Variants in STIM2 observed in about 807,000 individuals in gnomAD.
The protein encoded by STIM2 is stromal interaction molecule 2.
In STIM2, 31 loss-of-function variants were observed where a neutral mutation model predicts 85.8. The ratio of observed to expected loss-of-function variants is 0.36; its 90% CI spans 0.27 to 0.49. The LOEUF is 0.49. STIM2 is among the 20% of genes least tolerant of loss of function. The pLI is 0.98. For missense variants in STIM2, 841 were observed against 927.6 expected, an observed-to-expected ratio of 0.91 and a Z score of 1.21; for synonymous variants, 356 against 331.1, an observed-to-expected ratio of 1.08 and a Z score of -0.82.
chr4:26,914,278 A>G (rs910816476), intron 1 of STIM2, among the ~76,000 whole-genome samples: 4 of 152,312 alleles, frequency 2.6e-5, no homozygotes, highest in South Asian at 2.1e-4. Flanking sequence ...ATATAAGTAT[A>G]TTTTATGCAA....
chr4:26,892,230 A>C (rs560366714), intron 1 of STIM2, among the ~76,000 whole-genome samples: 1 of 152,180 alleles, frequency 6.6e-6, no homozygotes, highest in Admixed American at 6.5e-5. Flanking sequence ...AGGCTTTAAG[A>C]AATTACCAAA....
intron 10 of STIM2, among the ~76,000 whole-genome samples, chr4:27,015,249 A>T (rs758271168): frequency 3.1e-4 from 47 of 151,982 alleles, no homozygotes; most frequent in Non-Finnish European, 6.0e-4. Flanking sequence ...TGAACAATTC[A>T]GGATCTTCAG....
At chr4:26,880,555 T>G (rs1722965165) in intron 1 of STIM2, among the ~76,000 whole-genome samples, 1 of 149,110 alleles carries the variant, frequency 6.7e-6, no homozygotes, top group East Asian at 1.9e-4. Context: ...TACATAAAAC[T>G]TTTTGGATGA....
chr4:26,921,101 A>T (rs896866762), intron 2 of STIM2, among the ~76,000 whole-genome samples: 17 of 152,202 alleles, frequency 1.1e-4, no homozygotes, highest in African/African-American at 4.1e-4. Context: ...GTGTTCTGCT[A>T]AGAGAGGAGA....
chr4:27,000,081 C>T (rs1208276997), intron 5 of STIM2, among the ~76,000 whole-genome samples: 2 of 149,918 alleles, frequency 1.3e-5, no homozygotes, highest in Non-Finnish European at 1.5e-5. Flanking sequence ...AAAAGTATAA[C>T]AAAATTAATA....
chr4:27,006,859 C>T (rs1315085255), intron 7 of STIM2, among the ~76,000 whole-genome samples: 1 of 152,158 alleles, frequency 6.6e-6, no homozygotes, highest in Non-Finnish European at 1.5e-5. Context: ...CAGATGTTCA[C>T]TTAGCTAGTT....
chr4:26,870,214 C>T (rs1277016329), intron 1 of STIM2, among the ~76,000 whole-genome samples: 1 of 148,878 alleles, frequency 6.7e-6, no homozygotes, highest in Non-Finnish European at 1.5e-5. Context: ...ATCTAATGTA[C>T]AACAGTGTGA....
In STIM2 at chr4:27,003,032, G is replaced by A; in HGVS notation, c.909G>A (p.Arg303=). Residue 303 remains arginine (R), a synonymous_variant, in exon 7 of 12, where the codon CGG becomes CGA. Transcript: ENST00000467087. ...ATTATGCAAAGGAGGAGGCTTGTCG[G>A]CTGAGAGAGCTAAGGGAGGGAGCTG... 6.2e-7 allele frequency: 1 copy of A among 1,604,702 alleles called. No homozygotes were observed. The highest frequency in any genetic ancestry group is 1.1e-5 in the South Asian group (1 of 89,192).
rs150654373 is a variant in STIM2, at chr4:26,921,546, T to G, written c.282+1912T>G. On this transcript the variant is annotated intron_variant, in intron 2 of 11. Coordinates refer to ENST00000467087, the MANE Select transcript of STIM2 (RefSeq NM_020860.4). ...GGCATGGCTGTTTTCCAATAAAACT[T>G]TATTTGCAAAAACAAGCAGCCAGCC... is the stretch of plus-strand genomic sequence containing the variant. Among the ~76,000 whole-genome samples, 737 of 152,334 alleles carry G rather than the reference T, an allele frequency of 4.8e-3. 5 individuals are homozygous for G. Among genetic ancestry groups the G allele is most frequent in the Middle Eastern group, 0.027 (8 of 294 alleles).
intron 2 of STIM2, among the ~76,000 whole-genome samples, chr4:26,920,413 C>T (rs565447570): frequency 9.9e-5 from 15 of 152,236 alleles, no homozygotes; most frequent in African/African-American, 2.2e-4. Context: ...TTTACCCTAC[C>T]GGTCTGGTTT....
At chr4:26,982,992 G>GGGCCTGCCT (rs1727454904) in intron 3 of STIM2, among the ~76,000 whole-genome samples, 1 of 152,108 alleles carries the variant, frequency 6.6e-6, no homozygotes. Flanking sequence ...CCTCTTTCAG[G>GGGCCTGCCT]GGCCTGCCTT....
intron 3 of STIM2, among the ~76,000 whole-genome samples, chr4:26,980,975 T>C (rs1399623747): frequency 6.6e-6 from 1 of 152,210 alleles, no homozygotes; most frequent in Non-Finnish European, 1.5e-5. Flanking sequence ...ATGTTTGAAC[T>C]AAATGAATAT....
intron 6 of STIM2, 132 bp from the exon 7 acceptor site, chr4:27,002,795 A>G: frequency 1.1e-6 from 1 of 876,268 alleles, no homozygotes; most frequent in Non-Finnish European, 1.6e-6. Context: ...ACCAAACTTA[A>G]GGCTAATGAA....
intron 3 of STIM2, among the ~76,000 whole-genome samples, chr4:26,967,306 A>G (rs1726760496): frequency 6.6e-6 from 1 of 152,248 alleles, no homozygotes; most frequent in Non-Finnish European, 1.5e-5. Flanking sequence ...AATTGAAGTC[A>G]TATAAATTCA....
intron 3 of STIM2, among the ~76,000 whole-genome samples, chr4:26,981,774 A>T (rs996376522): frequency 3.9e-5 from 6 of 152,206 alleles, no homozygotes; most frequent in African/African-American, 1.4e-4. Flanking sequence ...ATATTTTTAC[A>T]TTGTTAGACC....
chr4:26,959,428 T>C (rs970292504), intron 3 of STIM2, among the ~76,000 whole-genome samples: 1 of 152,006 alleles, frequency 6.6e-6, no homozygotes, highest in Non-Finnish European at 1.5e-5. Context: ...TTTTACTCAT[T>C]TTTTTTTCTG....
chr4:26,861,246 G>C lies in STIM2; in HGVS notation c.28G>C (p.Gly10Arg). 2 of 1,487,368 alleles carry C rather than the reference G, an allele frequency of 1.3e-6. No individual in the cohort carries two copies. The highest frequency in any genetic ancestry group is 1.8e-6 in the Non-Finnish European group (2 of 1,125,576). 92.1% of individuals were successfully genotyped at this position (1,487,368 alleles called of 1,614,324 possible). Residue 10 changes from glycine to arginine, a missense_variant, in exon 1 of 12, where the codon GGA becomes CGA. Transcript: ENST00000467087. ...GCTGGTGCTCGGGCTGCTGGTAGCC[G>C]GAGCGGCGGACGGATGCGAGCTTGT...
chr4:27,006,693 C>T (rs1285811670), intron 7 of STIM2, among the ~76,000 whole-genome samples: 3 of 152,152 alleles, frequency 2.0e-5, no homozygotes, highest in Non-Finnish European at 2.9e-5. Flanking sequence ...AACCACCAAG[C>T]ATTTTTGTTT....
At chr4:26,931,498 A>G (rs1445346644) in intron 2 of STIM2, among the ~76,000 whole-genome samples, 2 of 152,240 alleles carry the variant, frequency 1.3e-5, no homozygotes, top group Admixed American at 6.5e-5. Context: ...TGTTTTGGAA[A>G]TGTCCCACAA....
Sources: gnomAD v4.1 joint callset for allele counts (sites outside exome capture counted in the v4.1 genomes callset) on GRCh38, gnomAD v4.1.1 for gene constraint, MANE v1.5 for transcripts, NCBI Gene and HGNC (gene_info 2026-07-23, HGNC 2026-07-21) for gene names.